The following TSHZ2 variants were observed in gnomAD, a reference collection of about 807,000 sequenced individuals.
The protein encoded by TSHZ2 is teashirt zinc finger homeobox 2.
Under a neutral mutation model 74.4 loss-of-function variants are expected in TSHZ2, and 21 were observed. The ratio of observed to expected loss-of-function variants is 0.28; its 90% CI spans 0.20 to 0.41. The LOEUF is 0.41. Among genes scored for constraint, TSHZ2 ranks in the 10% least tolerant of loss-of-function variants. The pLI is 1.00. For missense variants in TSHZ2, 1,244 were observed against 1,293.5 expected, an observed-to-expected ratio of 0.96 and a Z score of 0.59; for synonymous variants, 540 against 515.3, an observed-to-expected ratio of 1.05 and a Z score of -0.65.
chr20:53,477,790 A>G (rs1446820650), intron 2 of TSHZ2, among the ~76,000 whole-genome samples: 15 of 137,088 alleles, frequency 1.1e-4, no homozygotes, highest in African/African-American at 1.1e-4. Flanking sequence ...TCCAGAATCT[A>G]CAATGAACTC....
chr20:53,436,850 C>T (rs1984104053), intron 2 of TSHZ2, among the ~76,000 whole-genome samples: 1 of 152,108 alleles, frequency 6.6e-6, no homozygotes. Flanking sequence ...TCCACCCAGC[C>T]TCCTTTCCTC....
At chr20:53,168,625 C>T (rs918412804) in intron 1 of TSHZ2, 3 of 152,170 alleles carry the variant, frequency 2.0e-5, no homozygotes, top group Admixed American at 6.5e-5. Context: ...GCTGGTGAAA[C>T]AAACAGCTAA....
chr20:53,379,106 G>T (rs147054181), intron 2 of TSHZ2, among the ~76,000 whole-genome samples: 14 of 152,312 alleles, frequency 9.2e-5, no homozygotes, highest in African/African-American at 3.4e-4. Context: ...AGTAAGCCAG[G>T]CATGGTGGCA....
intron 1 of TSHZ2, among the ~76,000 whole-genome samples, chr20:53,250,901 T>TTGTGTGTGTGTGTG (rs11472057): frequency 2.7e-5 from 4 of 148,902 alleles, no homozygotes; most frequent in Non-Finnish European, 5.9e-5. Context: ...GGTGGGCAGA[T>TTGTGTGTGTGTGTG]TGTGTGTGTG....
intron 1 of TSHZ2, among the ~76,000 whole-genome samples, chr20:53,160,901 T>A (rs1987917246): frequency 6.6e-6 from 1 of 152,024 alleles, no homozygotes; most frequent in Admixed American, 6.5e-5. Context: ...AATCTATTTC[T>A]TTATAAGGTG....
intron 2 of TSHZ2, among the ~76,000 whole-genome samples, chr20:53,268,917 G>C (rs556523885): frequency 6.6e-6 from 1 of 152,174 alleles, no homozygotes; most frequent in Non-Finnish European, 1.5e-5. Flanking sequence ...TGTTGGAGCC[G>C]GGGCAAGTCA....
chr20:53,331,216 A>G (rs1979709424), intron 2 of TSHZ2, among the ~76,000 whole-genome samples: 1 of 152,204 alleles, frequency 6.6e-6, no homozygotes, highest in Non-Finnish European at 1.5e-5. Flanking sequence ...TTTGTTTTTA[A>G]CAAAGGCTAC....
chr20:53,460,582 TG>T (rs1985318171), intron 2 of TSHZ2, among the ~76,000 whole-genome samples: 1 of 152,256 alleles, frequency 6.6e-6, no homozygotes, highest in Non-Finnish European at 1.5e-5. Context: ...TTTGTTCCGT[TG>T]CTGGTGAGGA....
chr20:53,155,694 A>G (rs1600715597), intron 1 of TSHZ2, among the ~76,000 whole-genome samples: 1 of 152,168 alleles, frequency 6.6e-6, no homozygotes, highest in African/African-American at 2.4e-5. Context: ...GGGCCCAGGA[A>G]AAATTACAAA....
chr20:53,063,900 T>C (rs1009893860), intron 1 of TSHZ2, among the ~76,000 whole-genome samples: 3 of 152,158 alleles, frequency 2.0e-5, no homozygotes, highest in African/African-American at 7.2e-5. Flanking sequence ...TAGTCTGAAA[T>C]AGACCCATCT....
chr20:53,329,748 A>G (rs1266392220), intron 2 of TSHZ2, among the ~76,000 whole-genome samples: 1 of 152,240 alleles, frequency 6.6e-6, no homozygotes, highest in African/African-American at 2.4e-5. Flanking sequence ...CAAAGAAATC[A>G]GCTAAAAACA....
At chr20:53,217,237 A>G (rs755202084) in intron 1 of TSHZ2, among the ~76,000 whole-genome samples, 1 of 152,086 alleles carries the variant, frequency 6.6e-6, no homozygotes, top group Non-Finnish European at 1.5e-5. Flanking sequence ...CGCTTGGCCG[A>G]TGCCAGCACC....
intron 1 of TSHZ2, among the ~76,000 whole-genome samples, chr20:53,218,526 A>G (rs564747063): frequency 8.6e-4 from 131 of 152,372 alleles, no homozygotes; most frequent in African/African-American, 3.1e-3. Flanking sequence ...AAATCCAAAC[A>G]TCTACCGCAT....
intron 2 of TSHZ2, among the ~76,000 whole-genome samples, chr20:53,466,693 G>A (rs1004338956): frequency 2.6e-5 from 4 of 152,160 alleles, no homozygotes; most frequent in African/African-American, 7.2e-5. Flanking sequence ...CAAGTGTTAA[G>A]TATAATTGCT....
chr20:53,118,259 A>G (rs1022804720), intron 1 of TSHZ2, among the ~76,000 whole-genome samples: 3 of 152,308 alleles, frequency 2.0e-5, no homozygotes, highest in Middle Eastern at 3.4e-3. Flanking sequence ...TAAGAAACAA[A>G]TAGATTTTAA....
chr20:53,313,229 A>G (rs1978864595), intron 2 of TSHZ2, among the ~76,000 whole-genome samples: 1 of 152,232 alleles, frequency 6.6e-6, no homozygotes, highest in African/African-American at 2.4e-5. Flanking sequence ...GGACTGTTCC[A>G]TGTAAATGCA....
At chr20:53,436,846 C>T (rs975949599) in intron 2 of TSHZ2, among the ~76,000 whole-genome samples, 3 of 152,060 alleles carry the variant, frequency 2.0e-5, no homozygotes, top group African/African-American at 4.8e-5. Context: ...CCATTCCACC[C>T]AGCCTCCTTT....
At chr20:53,300,249 G>A (rs929962685) in intron 2 of TSHZ2, among the ~76,000 whole-genome samples, 2 of 152,196 alleles carry the variant, frequency 1.3e-5, no homozygotes, top group African/African-American at 2.4e-5. Context: ...TGCAGCAAAT[G>A]TCAAACCTTA....
At chr20:53,280,704 T>A (rs1173035729) in intron 2 of TSHZ2, among the ~76,000 whole-genome samples, 1 of 151,996 alleles carries the variant, frequency 6.6e-6, no homozygotes. Flanking sequence ...TTTTTTTGTG[T>A]GTTTTTTTGA....
Sources: allele counts gnomAD v4.1 joint callset (sites outside exome capture counted in the v4.1 genomes callset), GRCh38; gene constraint gnomAD v4.1.1; transcripts MANE v1.5; gene names NCBI Gene and HGNC (gene_info 2026-07-23, HGNC 2026-07-21).